The following TRAPPC6A variants were observed in gnomAD, a reference collection of about 807,000 sequenced individuals.
TRAPPC6A encodes the protein TRAPP complex subunit 6A.
A neutral mutation model predicts 20.8 loss-of-function variants in TRAPPC6A; 25 were observed. The ratio of observed to expected loss-of-function variants is 1.20; its 90% CI spans 0.88 to 1.68. The LOEUF is 1.68. Among genes scored for constraint, TRAPPC6A ranks in the 40% most tolerant of loss-of-function variants. TRAPPC6A has a pLI of 0.00. For missense variants in TRAPPC6A, 215 were observed against 211.6 expected (o/e 1.02, Z -0.10); for synonymous variants, 96 against 93.3 (o/e 1.03, Z -0.16).
chr19:45,163,008 A>G lies in TRAPPC6A; in HGVS notation c.*184T>C, dbSNP rs1227527963. Reference sequence around the variant, plus strand: ...AGGCGGGAATCCCACCACAGTCCTGACCGCAGCTGGGACCCCTTTGCCTCC... The same window carrying G: ...AGGCGGGAATCCCACCACAGTCCTGGCCGCAGCTGGGACCCCTTTGCCTCC... On this transcript the variant is annotated 3_prime_UTR_variant, in exon 6 of 6. Coordinates refer to ENST00000585934, the MANE Select transcript of TRAPPC6A (RefSeq NM_001270891.2). This position sits in a 1 kb window ranked among gnomAD's most constrained non-coding sequence, Gnocchi z 5.3. 6.7e-6 allele frequency: 4 copies of G among 599,212 alleles called. No individual in the cohort carries two copies. The highest frequency in any genetic ancestry group is 1.1e-5 in the Non-Finnish European group (4 of 350,596). 37.1% of individuals were successfully genotyped at this position (599,212 alleles called of 1,614,324 possible). A position where few individuals can be genotyped will look rare whatever the true frequency, so the allele number is the denominator to read the frequency against.
rs779104175 is a variant in TRAPPC6A, at chr19:45,178,098, T to C, written c.84+37A>G. On this transcript the variant is annotated intron_variant, in intron 1 of 5. Coordinates refer to ENST00000585934, the MANE Select transcript of TRAPPC6A (RefSeq NM_001270891.2). ...CGCTCTCCCAGAGGCGTTACCTTGG[T>C]GGCCCCCGCTTCCTCCCCACGGAGC... The C allele has an allele frequency of 3.1e-6, 5 of 1,612,488 alleles. 1 individual carries two copies. The South Asian group carries it at 5.5e-5, about 18-fold the overall frequency.
chr19:45,164,258 G>T lies in TRAPPC6A; in HGVS notation c.271-11C>A. ...CAGGACGTAGGTCCCCTGGGGGAGA[G>T]GAGAGGCTGGTGGGTGGGGTCGGGG... On this transcript the variant is annotated splice_polypyrimidine_tract_variant and intron_variant, in intron 3 of 5. Transcript: ENST00000585934. The T allele has an allele frequency of 6.3e-7, 1 of 1,585,210 alleles. No individual in the cohort carries two copies. The highest frequency in any genetic ancestry group is 1.1e-5 in the South Asian group (1 of 86,972).
chr19:45,169,058 C>T (rs1357194633), intron 1 of TRAPPC6A, among the ~76,000 whole-genome samples: 1 of 152,228 alleles, frequency 6.6e-6, no homozygotes, highest in Non-Finnish European at 1.5e-5. Context: ...TCAGGCACAG[C>T]AGGGCCGGCC....
chr19:45,169,318 A>C (rs1969222774), intron 1 of TRAPPC6A, among the ~76,000 whole-genome samples: 1 of 152,158 alleles, frequency 6.6e-6, no homozygotes, highest in Admixed American at 6.5e-5. Context: ...TGTTTTTGAG[A>C]TAGGGTCTCA....
chr19:45,175,270 A>AG (rs1969344401), intron 1 of TRAPPC6A, among the ~76,000 whole-genome samples: 1 of 149,858 alleles, frequency 6.7e-6, no homozygotes, highest in African/African-American at 2.5e-5. Flanking sequence ...CAAAAAAAAA[A>AG]AAAAAAATTA....
At position 45,165,968 on chromosome 19, in the gene TRAPPC6A, T is replaced by C. The variant is rs554205492; in HGVS notation, c.85-774A>G. On this transcript the variant is annotated intron_variant, in intron 1 of 5. Coordinates refer to ENST00000585934, the MANE Select transcript of TRAPPC6A (RefSeq NM_001270891.2). ...CTTCATTGCCCAGGCTGGAATGCAG[T>C]GGCCCAATCTCTGACTCACTGCAAC... 2.6e-5 allele frequency among the ~76,000 whole-genome samples: 4 copies of C among 152,080 alleles called. No homozygotes were observed. In the South Asian group the frequency reaches 8.3e-4, roughly 32 times the overall value.
chr19:45,178,227 C>A lies in TRAPPC6A; in HGVS notation c.-9G>T, dbSNP rs1339171645. On this transcript the variant is annotated 5_prime_UTR_variant, in exon 1 of 6. It adds an upstream start codon to the 5' untranslated region. Coordinates refer to ENST00000585934, the MANE Select transcript of TRAPPC6A (RefSeq NM_001270891.2). Reference sequence around the variant, plus strand: ...AACACAGTATCCGCCATGCCCCCTCCTCGCACGCCTAAAGATGCGCCCAGC... The same window carrying A: ...AACACAGTATCCGCCATGCCCCCTCATCGCACGCCTAAAGATGCGCCCAGC... 1.3e-6 allele frequency: 2 copies of A among 1,586,708 alleles called. No homozygotes were observed. Among genetic ancestry groups the A allele is most frequent in the Admixed American group, 3.5e-5 (2 of 57,494 alleles).
At position 45,173,415 on chromosome 19, in the gene TRAPPC6A, C is replaced by A. The variant is rs1969304344; in HGVS notation, c.84+4720G>T. Among the ~76,000 whole-genome samples, 1 of 152,122 alleles carries A rather than the reference C, an allele frequency of 6.6e-6. No individual in the cohort carries two copies. The highest frequency in any genetic ancestry group is 6.5e-5 in the Admixed American group (1 of 15,268). ...TGTGGGGACAGAGATGAAGGAGCCA[C>A]CATCCCTGTCCTCAAGGAGCTCTGA... On this transcript the variant is annotated intron_variant, in intron 1 of 5. Coordinates refer to ENST00000585934, the MANE Select transcript of TRAPPC6A (RefSeq NM_001270891.2). This position sits in a 1 kb window ranked among gnomAD's most constrained non-coding sequence, Gnocchi z 4.8.
At chr19:45,171,488 G>A (rs1254998598) in intron 1 of TRAPPC6A, among the ~76,000 whole-genome samples, 6 of 152,172 alleles carry the variant, frequency 3.9e-5, no homozygotes, top group African/African-American at 1.4e-4. Context: ...AGTCTTATCA[G>A]TGTCGGTGCT....
At chr19:45,164,828 G>T (rs747956022) in intron 3 of TRAPPC6A, 25 bp downstream of exon 3, 2 of 1,603,818 alleles carry the variant, frequency 1.2e-6, no homozygotes, top group South Asian at 1.1e-5. Context: ...GAGGAAGCTG[G>T]ACGGGCAGGC....
intron 1 of TRAPPC6A, 140 bp downstream of exon 1, chr19:45,177,995 G>A: frequency 6.8e-7 from 1 of 1,470,826 alleles, no homozygotes; most frequent in Non-Finnish European, 9.0e-7. Flanking sequence ...ACTTTCCAAA[G>A]GAGGAAGCCA....
intron 3 of TRAPPC6A, 81 bp downstream of exon 3, chr19:45,164,772 C>G: frequency 7.3e-7 from 1 of 1,377,730 alleles, no homozygotes; most frequent in Non-Finnish European, 1.0e-6. Flanking sequence ...AGCCGCTGCT[C>G]TGGCGCCGGG....
At chr19:45,177,172 G>A (rs868704861) in intron 1 of TRAPPC6A, among the ~76,000 whole-genome samples, 5 of 147,250 alleles carry the variant, frequency 3.4e-5, no homozygotes, top group Non-Finnish European at 7.4e-5. Context: ...CTGGGCGACC[G>A]AGCAGGATGC....
rs767296634 is a variant in TRAPPC6A, at chr19:45,163,904, C to T, written c.448+12G>A. 6.4e-7 allele frequency: 1 copy of T among 1,565,188 alleles called. No individual in the cohort carries two copies. Among genetic ancestry groups the T allele is most frequent in the Non-Finnish European group, 8.7e-7 (1 of 1,153,738 alleles). The stretch of plus-strand genomic sequence containing the variant: ...AGGGATGAGAAGAATCCCCCCACCC[C>T]CCATGACTCACAGACGGGCAGGGCT... On this transcript the variant is annotated intron_variant, in intron 5 of 5. Transcript: ENST00000585934. This position sits in a 1 kb window ranked among gnomAD's most constrained non-coding sequence, Gnocchi z 5.3.
At chr19:45,168,034 G>A (rs1177767652) in intron 1 of TRAPPC6A, among the ~76,000 whole-genome samples, 4 of 115,642 alleles carry the variant, frequency 3.5e-5, no homozygotes, top group South Asian at 2.8e-4. Context: ...ACAGAGTCTC[G>A]CCCTGTCGCC....
chr19:45,164,220 A>C lies in TRAPPC6A; in HGVS notation c.298T>G (p.Phe100Val). Residue 100 changes from phenylalanine (F) to valine (V), a missense_variant, in exon 4 of 6, where the codon TTC becomes GTC. Phe to Val is a conservative substitution (Grantham distance 50). Coordinates refer to ENST00000585934, the MANE Select transcript of TRAPPC6A (RefSeq NM_001270891.2). ...GAGGCCATCGGGAGGAGGAGGGGGAAGCTGTTGTCTTGCAGGACGTAGGTC... is the reference window on the plus strand; with the variant it reads ...GAGGCCATCGGGAGGAGGAGGGGGACGCTGTTGTCTTGCAGGACGTAGGTC... ...QGTYVLQDNSFPLLLPMASGL... is the reference protein window; with the variant it reads ...QGTYVLQDNSVPLLLPMASGL... 6.2e-7 allele frequency: 1 copy of C among 1,609,334 alleles called. No individual in the cohort carries two copies.
At chr19:45,171,833 G>A (rs1365474128) in intron 1 of TRAPPC6A, among the ~76,000 whole-genome samples, 1 of 152,218 alleles carries the variant, frequency 6.6e-6, no homozygotes, top group Non-Finnish European at 1.5e-5. Flanking sequence ...CTGAAGCCAA[G>A]GGGTTGAGCT....
rs539118136 is a variant in TRAPPC6A, at chr19:45,163,605, G to A, written c.448+311C>T. On this transcript the variant is annotated intron_variant, in intron 5 of 5. Coordinates refer to ENST00000585934, the MANE Select transcript of TRAPPC6A (RefSeq NM_001270891.2). This position sits in a 1 kb window ranked among gnomAD's most constrained non-coding sequence, Gnocchi z 5.3. ...CAGCTTGTCTGACAGAGGACACCCA[G>A]TCAGGCAGGCTGCAAGTTCCCTGGA... is the stretch of plus-strand genomic sequence containing the variant. Among the ~76,000 whole-genome samples the A allele has an allele frequency of 1.6e-4, 24 of 152,288 alleles. No individual in the cohort carries two copies. The highest frequency in any genetic ancestry group is 1.2e-3 in the South Asian group (6 of 4,826).
At chr19:45,166,872 G>A (rs1007507412) in intron 1 of TRAPPC6A, among the ~76,000 whole-genome samples, 2 of 152,140 alleles carry the variant, frequency 1.3e-5, no homozygotes, top group African/African-American at 4.8e-5. Flanking sequence ...CGAATTCTCT[G>A]CTTGGCTCCA....
Sources: gnomAD v4.1 joint callset for allele counts (sites outside exome capture counted in the v4.1 genomes callset) on GRCh38, gnomAD v4.1.1 for gene constraint, Gnocchi (gnomAD v3.1) non-coding constraint, MANE v1.5 for transcripts, NCBI Gene and HGNC (gene_info 2026-07-23, HGNC 2026-07-21) for gene names.